TSPAN4: variants seen among roughly 807,000 people sequenced by gnomAD.
The protein encoded by TSPAN4 is tetraspanin-4.
Under a neutral mutation model 31.5 loss-of-function variants are expected in TSPAN4, and 38 were observed. That is an observed-to-expected ratio of 1.21 (90% CI 0.93 to 1.58). TSPAN4 has a LOEUF of 1.58. Ranked by LOEUF, TSPAN4 falls within the 40% of genes most tolerant of loss-of-function variation. The pLI is 0.00. For missense variants in TSPAN4, 330 were observed against 317.3 expected (o/e 1.04, Z -0.30); for synonymous variants, 186 against 144.6 (o/e 1.29, Z -2.06).
chr11:863,516 G>A (rs1163914957), intron 4 of TSPAN4: 1 of 152,330 alleles, frequency 6.6e-6, no homozygotes, highest in Non-Finnish European at 1.5e-5. Context: ...CTGGCATCAG[G>A]TTGGGGCCCA....
rs1293495102 is a variant in TSPAN4 at position 848,631 on chromosome 11, G to A, written c.-18+1331G>A. On this transcript the variant is annotated intron_variant, in intron 2 of 8. Coordinates refer to ENST00000397397, the MANE Select transcript of TSPAN4 (RefSeq NM_003271.5). The surrounding 1 kb of genome is among the most constrained non-coding windows in gnomAD (Gnocchi z 5.7). Reference sequence around the variant, plus strand: ...AGGAGGACCCAGGCCTCCAGAGCTGGTCAGCCCTGCCATGGAGCACCCCCT... The same window carrying A: ...AGGAGGACCCAGGCCTCCAGAGCTGATCAGCCCTGCCATGGAGCACCCCCT... 1.3e-5 allele frequency among the ~76,000 whole-genome samples: 2 copies of A among 152,152 alleles called. No individual in the cohort carries two copies. Among genetic ancestry groups the A allele is most frequent in the Non-Finnish European group, 2.9e-5 (2 of 68,008 alleles).
intron 2 of TSPAN4, 44 bp from the exon 3 acceptor site, chr11:850,244 G>A: frequency 2.0e-6 from 3 of 1,506,874 alleles, no homozygotes; most frequent in South Asian, 2.4e-5. Flanking sequence ...AGGGCAACAA[G>A]TACGTGGTTT....
chr11:866,632 C>A lies in TSPAN4; in HGVS notation c.*2C>A. ...AAGGCAGACACCTACTGCGCGTAGGCCGCCCACCGCCCGCTTCTCTGCCAA... is the reference window on the plus strand; with the variant it reads ...AAGGCAGACACCTACTGCGCGTAGGACGCCCACCGCCCGCTTCTCTGCCAA... On this transcript the variant is annotated 3_prime_UTR_variant, in exon 9 of 9. Transcript: ENST00000397397. 6.2e-7 allele frequency: 1 copy of A among 1,610,704 alleles called. No homozygotes were observed. The highest frequency in any genetic ancestry group is 8.5e-7 in the Non-Finnish European group (1 of 1,178,886).
intron 2 of TSPAN4, chr11:849,827 G>C (rs913715052): frequency 6.8e-6 from 1 of 147,144 alleles, no homozygotes; most frequent in Non-Finnish European, 1.5e-5. Flanking sequence ...GGGGTCGGGG[G>C]CGCGGGGGCC....
At chr11:855,789 C>T (rs553231045) in intron 3 of TSPAN4, among the ~76,000 whole-genome samples, 108 of 152,352 alleles carry the variant, frequency 7.1e-4, no homozygotes, top group African/African-American at 2.4e-3. Flanking sequence ...GGGACGTTCC[C>T]GCCAGCCCAG....
intron 3 of TSPAN4, among the ~76,000 whole-genome samples, chr11:861,458 A>G (rs1848450641): frequency 6.6e-6 from 1 of 152,060 alleles, no homozygotes; most frequent in South Asian, 2.1e-4. Flanking sequence ...CACGCCTGGA[A>G]TCCCAGCACT....
intron 5 of TSPAN4, chr11:865,034 CTT>C (rs1465661540): frequency 5.5e-6 from 1 of 180,982 alleles, no homozygotes; most frequent in Non-Finnish European, 1.2e-5. Context: ...CATCAACAGA[CTT>C]TTCATTTTGG....
chr11:862,099 G>C (rs1848490166), intron 3 of TSPAN4, among the ~76,000 whole-genome samples: 1 of 152,226 alleles, frequency 6.6e-6, no homozygotes, highest in African/African-American at 2.4e-5. Flanking sequence ...TGAGGGCAGG[G>C]CTGGGTCTCC....
At chr11:850,430 C>T in intron 3 of TSPAN4, 63 bp downstream of exon 3, 2 of 1,475,318 alleles carry the variant, frequency 1.4e-6, no homozygotes, top group Non-Finnish European at 1.8e-6. Context: ...CGGCGGGTCG[C>T]GGGGTCTGGG....
chr11:850,229 G>T, intron 2 of TSPAN4, 59 bp from the exon 3 acceptor site: 6 of 1,417,534 alleles, frequency 4.2e-6, no homozygotes, highest in Non-Finnish European at 5.8e-6. Flanking sequence ...GCTACACGTC[G>T]CCCAAGGGCA....
At position 864,514 on chromosome 11, in the gene TSPAN4, A is replaced by T; in HGVS notation, c.330+3A>T. The T allele has an allele frequency of 6.2e-7, 1 of 1,612,006 alleles. No individual in the cohort carries two copies. The highest frequency in any genetic ancestry group is 8.5e-7 in the Non-Finnish European group (1 of 1,179,894). On this transcript the variant is annotated splice_donor_region_variant and intron_variant, in intron 5 of 8. Coordinates refer to ENST00000397397, the MANE Select transcript of TSPAN4 (RefSeq NM_003271.5). ...TCTTCTTCGCCTACACGGACAAGGT[A>T]CGGCTGCCTTGGCCGCAGGCCCAAC...
chr11:855,015 T>G (rs1847969380), intron 3 of TSPAN4, among the ~76,000 whole-genome samples: 1 of 152,168 alleles, frequency 6.6e-6, no homozygotes, highest in Admixed American at 6.5e-5. Context: ...TGGCTCCCTG[T>G]GGGTGGGGAG....
chr11:843,705 AAAG>A (rs1847110617), intron 1 of TSPAN4: 2 of 152,460 alleles, frequency 1.3e-5, no homozygotes, highest in South Asian at 4.1e-4. Flanking sequence ...AGTGAGAGGC[AAAG>A]AAGGCTCCTT....
At chr11:858,696 G>A (rs1034777968) in intron 3 of TSPAN4, 2 of 145,266 alleles carry the variant, frequency 1.4e-5, no homozygotes, top group Non-Finnish European at 1.5e-5. Context: ...ACGGACCTCC[G>A]CTCACATGCA....
intron 3 of TSPAN4, 95 bp from the exon 4 acceptor site, chr11:862,455 A>C (rs1371919693): frequency 3.3e-6 from 4 of 1,213,260 alleles, no homozygotes; most frequent in Non-Finnish European, 4.5e-6. Context: ...GGCAGGCGGC[A>C]TGGCTTTGGG....
At position 849,996 on chromosome 11, in the gene TSPAN4, C is replaced by T. The variant is rs974703873; in HGVS notation, c.-17-292C>T. 4.6e-4 allele frequency: 79 copies of T among 172,864 alleles called. 3 individuals carry two copies. The highest frequency in any genetic ancestry group is 3.6e-5 in the Non-Finnish European group (3 of 83,314). 10.7% of individuals were successfully genotyped at this position (172,864 alleles called of 1,614,324 possible). ...GCGTTCCGGGGCGGCGGGTGCGGGG[C>T]GCTGAGCGGCGGCCCCGGCACACCC... On this transcript the variant is annotated intron_variant, in intron 2 of 8. Coordinates refer to ENST00000397397, the MANE Select transcript of TSPAN4 (RefSeq NM_003271.5).
intron 3 of TSPAN4, among the ~76,000 whole-genome samples, chr11:851,884 G>T (rs954097238): frequency 2.0e-5 from 3 of 152,092 alleles, no homozygotes; most frequent in Non-Finnish European, 4.4e-5. Context: ...CCTGTCCTCC[G>T]TGGCCTGGAC....
rs770212988 is a variant in TSPAN4 at position 864,551 on chromosome 11, G to A, written c.330+40G>A. Reference sequence around the variant, plus strand: ...GCCGCAGGCCCAACTGCAGGGCTGGGGGCTCCATCCTCACTCCCAGGGAGC... The same window carrying A: ...GCCGCAGGCCCAACTGCAGGGCTGGAGGCTCCATCCTCACTCCCAGGGAGC... On this transcript the variant is annotated intron_variant, in intron 5 of 8. Coordinates refer to ENST00000397397, the MANE Select transcript of TSPAN4 (RefSeq NM_003271.5). 44 of 1,607,688 alleles carry A rather than the reference G, an allele frequency of 2.7e-5. No homozygotes were observed. In the East Asian group the frequency reaches 9.4e-4, roughly 34 times the overall value.
intron 4 of TSPAN4, chr11:863,125 T>G: frequency 6.0e-6 from 1 of 167,454 alleles, no homozygotes. Context: ...CTGTGGCCCC[T>G]TCCCCAGCTT....
Sources: allele counts gnomAD v4.1 joint callset (sites outside exome capture counted in the v4.1 genomes callset), GRCh38; gene constraint gnomAD v4.1.1; non-coding constraint Gnocchi (gnomAD v3.1); transcripts MANE v1.5; gene names NCBI Gene and HGNC (gene_info 2026-07-23, HGNC 2026-07-21).